The following STXBP6 variants were observed in gnomAD, a reference collection of about 807,000 sequenced individuals.
STXBP6 encodes the protein syntaxin-binding protein 6.
STXBP6 carries 21 observed loss-of-function variants against 26.9 expected under a neutral mutation model. That is an observed-to-expected ratio of 0.78 (90% CI 0.55 to 1.12). The LOEUF is 1.12. Ranked by LOEUF, STXBP6 falls within the 50% of genes most tolerant of loss-of-function variation. The probability of loss-of-function intolerance (pLI) is 0.00; values close to 1 mark genes in which losing one functional copy is unlikely to be tolerated. For missense variants in STXBP6, 232 were observed against 257.9 expected, an observed-to-expected ratio of 0.90 and a Z score of 0.69; for synonymous variants, 97 against 92.6, an observed-to-expected ratio of 1.05 and a Z score of -0.27.
chr14:24,941,366 G>A (rs1042679410), intron 2 of STXBP6, among the ~76,000 whole-genome samples: 3 of 152,190 alleles, frequency 2.0e-5, no homozygotes, highest in Admixed American at 6.5e-5. Context: ...GCAGGCCTCT[G>A]TGAGAAAGAA....
intron 2 of STXBP6, among the ~76,000 whole-genome samples, chr14:24,945,895 G>C (rs2072971140): frequency 6.6e-6 from 1 of 152,104 alleles, no homozygotes; most frequent in African/African-American, 2.4e-5. Flanking sequence ...AGGGAGACAC[G>C]CTGGATTTGA....
chr14:25,021,742 G>C (rs1034968266), intron 1 of STXBP6, among the ~76,000 whole-genome samples: 3 of 152,080 alleles, frequency 2.0e-5, no homozygotes, highest in African/African-American at 7.2e-5. Flanking sequence ...CTATTATTTA[G>C]GGTTTAAGCT....
chr14:24,872,046 T>C (rs190644903), intron 2 of STXBP6, among the ~76,000 whole-genome samples: 71 of 152,218 alleles, frequency 4.7e-4, no homozygotes, highest in African/African-American at 1.6e-3. Flanking sequence ...AGCACTTCTA[T>C]AAAGAAGGAA....
intron 4 of STXBP6, among the ~76,000 whole-genome samples, chr14:24,819,792 T>C (rs2068086776): frequency 6.6e-6 from 1 of 152,210 alleles, no homozygotes; most frequent in African/African-American, 2.4e-5. Context: ...AGAGTAGATG[T>C]GTCTGCTCCC....
chr14:24,994,234 G>T (rs2074543505), intron 1 of STXBP6, among the ~76,000 whole-genome samples: 1 of 152,142 alleles, frequency 6.6e-6, no homozygotes, highest in Admixed American at 6.5e-5. Context: ...ACCTTTAACG[G>T]TGATGACCTT....
chr14:25,040,015 T>C (rs2075617744), intron 1 of STXBP6, among the ~76,000 whole-genome samples: 1 of 152,172 alleles, frequency 6.6e-6, no homozygotes, highest in South Asian at 2.1e-4. Flanking sequence ...AGCCAGAATC[T>C]GTATCTCAAC....
intron 2 of STXBP6, among the ~76,000 whole-genome samples, chr14:24,955,272 C>T (rs185620332): frequency 2.0e-5 from 3 of 152,100 alleles, no homozygotes; most frequent in African/African-American, 7.2e-5. Flanking sequence ...GAGTGATCAA[C>T]CTCCTGGGGA....
At chr14:24,895,542 T>C (rs1372822666) in intron 2 of STXBP6, among the ~76,000 whole-genome samples, 2 of 152,222 alleles carry the variant, frequency 1.3e-5, no homozygotes, top group African/African-American at 4.8e-5. Flanking sequence ...TTGGGTAAGC[T>C]ACCCATATGC....
chr14:24,865,062 T>C lies in STXBP6; in HGVS notation c.155-7905A>G, dbSNP rs1450435012. On this transcript the variant is annotated intron_variant, in intron 2 of 5. Transcript: ENST00000323944. ...GCTGAATTTATTGTAATTTAAAAAA[T>C]ATTTTAATTTTTAATTTTTTAAAAC... 8.8e-5 allele frequency among the ~76,000 whole-genome samples: 8 copies of C among 90,912 alleles called. No homozygotes were observed. The South Asian group carries it at 2.1e-3, about 24-fold the overall frequency. The allele number at this position is 90,912 out of a possible 152,430, so 59.6% of individuals were successfully genotyped here.
At chr14:24,854,745 A>G (rs1339101304) in intron 4 of STXBP6, among the ~76,000 whole-genome samples, 3 of 152,202 alleles carry the variant, frequency 2.0e-5, no homozygotes, top group African/African-American at 7.2e-5. Flanking sequence ...TGGCGCAGAC[A>G]TGATACAGAG....
chr14:24,952,135 A>G lies in STXBP6; in HGVS notation c.154+22530T>C, dbSNP rs555913321. On this transcript the variant is annotated intron_variant, in intron 2 of 5. Transcript: ENST00000323944. ...GGAAATAAATACAATATGACTGTCC[A>G]ATAGAGCTAGTTACATGGGGATTCA... Among the ~76,000 whole-genome samples, 92 of 151,770 alleles carry G rather than the reference A, an allele frequency of 6.1e-4. 1 individual carries two copies. The highest frequency in any genetic ancestry group is 8.1e-4 in the Non-Finnish European group (55 of 67,912).
chr14:24,925,181 G>A (rs1367588895), intron 2 of STXBP6, among the ~76,000 whole-genome samples: 2 of 152,180 alleles, frequency 1.3e-5, no homozygotes, highest in Admixed American at 1.3e-4. Flanking sequence ...TTACCTCAAT[G>A]CATTTTCATT....
At chr14:24,966,488 T>C (rs1389732752) in intron 2 of STXBP6, among the ~76,000 whole-genome samples, 1 of 152,078 alleles carries the variant, frequency 6.6e-6, no homozygotes, top group Non-Finnish European at 1.5e-5. Flanking sequence ...CCCTAGGCAG[T>C]GCAACTACCA....
At chr14:24,886,376 A>AT (rs1301731350) in intron 2 of STXBP6, among the ~76,000 whole-genome samples, 1 of 152,220 alleles carries the variant, frequency 6.6e-6, no homozygotes, top group Non-Finnish European at 1.5e-5. Context: ...TACCTATAAA[A>AT]TAGGAACAAT....
intron 2 of STXBP6, among the ~76,000 whole-genome samples, chr14:24,927,200 T>C (rs929662503): frequency 6.6e-6 from 1 of 152,242 alleles, no homozygotes; most frequent in Non-Finnish European, 1.5e-5. Flanking sequence ...AATGCAGGAC[T>C]GATGCGTTGT....
chr14:24,844,663 A>G (rs1170493376), intron 4 of STXBP6, among the ~76,000 whole-genome samples: 4 of 152,224 alleles, frequency 2.6e-5, no homozygotes, highest in Non-Finnish European at 4.4e-5. Context: ...ATTCAACGGT[A>G]TAGTGAAGGG....
intron 2 of STXBP6, among the ~76,000 whole-genome samples, chr14:24,893,167 G>C (rs2070854216): frequency 6.6e-6 from 1 of 152,208 alleles, no homozygotes; most frequent in Admixed American, 6.5e-5. Context: ...TTGATCTAAT[G>C]ATAGTAATAT....
intron 4 of STXBP6, among the ~76,000 whole-genome samples, chr14:24,830,180 G>A (rs1594922430): frequency 6.6e-6 from 1 of 152,028 alleles, no homozygotes; most frequent in African/African-American, 2.4e-5. Context: ...AGATTAGATA[G>A]GGGCTTATAG....
chr14:25,042,753 C>T (rs2075664028), intron 1 of STXBP6, among the ~76,000 whole-genome samples: 1 of 152,296 alleles, frequency 6.6e-6, no homozygotes, highest in African/African-American at 2.4e-5. Flanking sequence ...CCATCCCAGA[C>T]CTACTGAATC....
Sources: allele counts gnomAD v4.1 joint callset (sites outside exome capture counted in the v4.1 genomes callset), GRCh38; gene constraint gnomAD v4.1.1; transcripts MANE v1.5; gene names NCBI Gene and HGNC (gene_info 2026-07-23, HGNC 2026-07-21).